The following ST6GALNAC3 variants were observed in gnomAD, a reference collection of about 807,000 sequenced individuals.
The protein encoded by ST6GALNAC3 is ST6 N-acetylgalactosaminide alpha-2,6-sialyltransferase 3, also known as alpha-N-acetylgalactosaminide alpha-2,6-sialyltransferase 3.
ST6GALNAC3 carries 25 observed loss-of-function variants against 32.7 expected under a neutral mutation model. The observed-to-expected ratio is 0.76, with a 90% CI of 0.56 to 1.07. The LOEUF (loss-of-function observed/expected upper bound fraction) is 1.07, where lower values mean the gene tolerates loss of function less well. Among genes scored for constraint, ST6GALNAC3 ranks in the 50% least tolerant of loss-of-function variants. The probability of loss-of-function intolerance (pLI) is 0.00; values close to 1 mark genes in which losing one functional copy is unlikely to be tolerated. For missense variants in ST6GALNAC3, 355 were observed against 382.4 expected, an observed-to-expected ratio of 0.93 and a Z score of 0.60; for synonymous variants, 129 against 133.1, an observed-to-expected ratio of 0.97 and a Z score of 0.21.
chr1:76,091,148 T>G (rs1446401140), intron 1 of ST6GALNAC3, among the ~76,000 whole-genome samples: 1 of 152,232 alleles, frequency 6.6e-6, no homozygotes, highest in Non-Finnish European at 1.5e-5. Flanking sequence ...CCCCAGACCA[T>G]ATTCTGTTGT....
At chr1:76,252,519 T>C (rs1008621583) in intron 1 of ST6GALNAC3, among the ~76,000 whole-genome samples, 4 of 152,156 alleles carry the variant, frequency 2.6e-5, no homozygotes, top group African/African-American at 9.7e-5. Context: ...ATTTCTATTA[T>C]ATTTTACCAG....
chr1:76,517,592 TATTA>T (rs978511558), intron 3 of ST6GALNAC3, among the ~76,000 whole-genome samples: 5 of 152,060 alleles, frequency 3.3e-5, no homozygotes, highest in African/African-American at 7.2e-5. Flanking sequence ...TTTCCACCCT[TATTA>T]ATTATTTCCT....
chr1:76,236,150 G>T (rs1656645942), intron 1 of ST6GALNAC3, among the ~76,000 whole-genome samples: 1 of 152,100 alleles, frequency 6.6e-6, no homozygotes, highest in African/African-American at 2.4e-5. Flanking sequence ...GTTTCGCCAT[G>T]TTGGCCAGGC....
At chr1:76,573,041 G>A (rs1477893684) in intron 3 of ST6GALNAC3, among the ~76,000 whole-genome samples, 1 of 152,096 alleles carries the variant, frequency 6.6e-6, no homozygotes, top group African/African-American at 2.4e-5. Context: ...CCTGGTGATC[G>A]ATGTGGTGAG....
chr1:76,241,709 A>C (rs1334277403), intron 1 of ST6GALNAC3, among the ~76,000 whole-genome samples: 2 of 152,258 alleles, frequency 1.3e-5, no homozygotes, highest in African/African-American at 2.4e-5. Flanking sequence ...GGTCTAGTAC[A>C]CAAAAAGAAT....
intron 3 of ST6GALNAC3, among the ~76,000 whole-genome samples, chr1:76,499,890 G>C (rs374835072): frequency 6.6e-6 from 1 of 152,000 alleles, no homozygotes; most frequent in Non-Finnish European, 1.5e-5. Context: ...GTAAATAGCC[G>C]TAAATAGACA....
Position 76,182,880 on chromosome 1 carries a change from G to A in ST6GALNAC3, c.18+107996G>A, listed in dbSNP as rs140334961. ...CTTCTCATTAGTTTTTACAACCTAC[G>A]AATTACCTAAAACAACTTTAGTCAT... On this transcript the variant is annotated intron_variant, in intron 1 of 4. Transcript: ENST00000328299. 3.3e-5 allele frequency among the ~76,000 whole-genome samples: 5 copies of A among 151,642 alleles called. No individual in the cohort carries two copies. The South Asian group carries it at 6.3e-4, about 19-fold the overall frequency.
intron 3 of ST6GALNAC3, among the ~76,000 whole-genome samples, chr1:76,450,367 A>G (rs995000937): frequency 1.3e-5 from 2 of 152,176 alleles, no homozygotes; most frequent in East Asian, 1.9e-4. Flanking sequence ...GTCCATTTGC[A>G]TATCTTCTTT....
At chr1:76,567,716 T>G (rs1332504995) in intron 3 of ST6GALNAC3, among the ~76,000 whole-genome samples, 1 of 152,202 alleles carries the variant, frequency 6.6e-6, no homozygotes, top group Non-Finnish European at 1.5e-5. Context: ...AGTCCTTATA[T>G]TGTGCTTCCC....
intron 1 of ST6GALNAC3, among the ~76,000 whole-genome samples, chr1:76,075,301 A>G (rs1039079293): frequency 5.9e-5 from 9 of 152,040 alleles, no homozygotes; most frequent in Non-Finnish European, 7.4e-5. Flanking sequence ...CTTTAAATGG[A>G]GGGAAGAGTG....
At chr1:76,263,115 A>G (rs900729774) in intron 1 of ST6GALNAC3, among the ~76,000 whole-genome samples, 1 of 152,126 alleles carries the variant, frequency 6.6e-6, no homozygotes, top group Non-Finnish European at 1.5e-5. Flanking sequence ...TTCAGTCTCT[A>G]CCTCATGAAA....
rs151262682 is a variant in ST6GALNAC3 at position 76,501,142 on chromosome 1, T to A, written c.623+88725T>A. 6.8e-3 allele frequency among the ~76,000 whole-genome samples: 1,030 copies of A among 152,252 alleles called. 11 individuals are homozygous for A. The highest frequency in any genetic ancestry group is 0.018 in the South Asian group (88 of 4,824). On this transcript the variant is annotated intron_variant, in intron 3 of 4. Coordinates refer to ENST00000328299, the MANE Select transcript of ST6GALNAC3 (RefSeq NM_152996.4). ...TAAAATACATGCCTTTCCTTTTACT[T>A]CCTCCCCTCTCCCTCCCCCTACAAG...
intron 3 of ST6GALNAC3, among the ~76,000 whole-genome samples, chr1:76,584,984 T>C (rs1646939655): frequency 6.6e-6 from 1 of 152,176 alleles, no homozygotes; most frequent in Non-Finnish European, 1.5e-5. Context: ...GAAGAAGACA[T>C]CTACCCAGCC....
chr1:76,194,416 A>G (rs1390509781), intron 1 of ST6GALNAC3, among the ~76,000 whole-genome samples: 2 of 152,148 alleles, frequency 1.3e-5, no homozygotes, highest in Non-Finnish European at 2.9e-5. Flanking sequence ...TGTAAGTTGT[A>G]TCTGTTGATA....
At chr1:76,434,169 T>C (rs1429405663) in intron 3 of ST6GALNAC3, among the ~76,000 whole-genome samples, 2 of 152,138 alleles carry the variant, frequency 1.3e-5, no homozygotes, top group African/African-American at 2.4e-5. Context: ...ATCGTAAACA[T>C]GGGTTAGCTC....
At chr1:76,623,294 G>A (rs1349177236) in intron 3 of ST6GALNAC3, among the ~76,000 whole-genome samples, 1 of 151,938 alleles carries the variant, frequency 6.6e-6, no homozygotes, top group Non-Finnish European at 1.5e-5. Context: ...CCAAGGAGCA[G>A]CAGGGTGCAG....
At chr1:76,150,179 C>T (rs1457802536) in intron 1 of ST6GALNAC3, among the ~76,000 whole-genome samples, 1 of 152,024 alleles carries the variant, frequency 6.6e-6, no homozygotes, top group Non-Finnish European at 1.5e-5. Flanking sequence ...TTTTTCCAGC[C>T]TCCATCTGAG....
chr1:76,190,006 T>C (rs1336862223), intron 1 of ST6GALNAC3, among the ~76,000 whole-genome samples: 2 of 152,192 alleles, frequency 1.3e-5, no homozygotes, highest in Non-Finnish European at 2.9e-5. Context: ...GTTTGTCAGA[T>C]GGATACTGTT....
At chr1:76,253,548 A>G (rs1294675272) in intron 1 of ST6GALNAC3, among the ~76,000 whole-genome samples, 1 of 152,182 alleles carries the variant, frequency 6.6e-6, no homozygotes, top group African/African-American at 2.4e-5. Flanking sequence ...TTCTTAGGGT[A>G]TTCCATGACA....
Sources: gnomAD v4.1 joint callset for allele counts (sites outside exome capture counted in the v4.1 genomes callset) on GRCh38, gnomAD v4.1.1 for gene constraint, MANE v1.5 for transcripts, NCBI Gene and HGNC (gene_info 2026-07-23, HGNC 2026-07-21) for gene names.